The following FSTL5 variants were observed in gnomAD, a reference collection of about 807,000 sequenced individuals.
The protein encoded by FSTL5 is follistatin like 5.
Under a neutral mutation model 89.1 loss-of-function variants are expected in FSTL5, and 62 were observed. The observed-to-expected ratio is 0.70, with a 90% CI of 0.57 to 0.86. FSTL5 has a LOEUF of 0.86. Among genes scored for constraint, FSTL5 ranks in the 40% least tolerant of loss-of-function variants. FSTL5 has a pLI of 0.00. For synonymous variants in FSTL5, 383 were observed against 346.2 expected, an observed-to-expected ratio of 1.11 and a Z score of -1.18; for missense variants, 1,057 against 1,001.6, an observed-to-expected ratio of 1.06 and a Z score of -0.75.
rs989477918 is a variant in FSTL5, at chr4:161,669,127, A to T, written c.728-12633T>A. ...ACTCTGTCTCAAAAAAAAAAAAAAA[A>T]TAAAATAAAATAAAAGAAAAAGAAA... On this transcript the variant is annotated intron_variant, in intron 6 of 15. Coordinates refer to ENST00000306100, the MANE Select transcript of FSTL5 (RefSeq NM_020116.5). 3.5e-3 allele frequency among the ~76,000 whole-genome samples: 512 copies of T among 144,298 alleles called. 1 individual carries two copies. Among genetic ancestry groups the T allele is most frequent in the African/African-American group, 0.012 (487 of 39,920 alleles). 94.7% of individuals were successfully genotyped at this position (144,298 alleles called of 152,430 possible). A position where few individuals can be genotyped will look rare whatever the true frequency, so the allele number is the denominator to read the frequency against.
chr4:162,057,271 T>C (rs1444116589), intron 2 of FSTL5, among the ~76,000 whole-genome samples: 1 of 152,174 alleles, frequency 6.6e-6, no homozygotes, highest in African/African-American at 2.4e-5. Context: ...TCCTTTTTAA[T>C]CTAGGTTTCT....
chr4:161,502,891 T>C (rs77931629), intron 11 of FSTL5, among the ~76,000 whole-genome samples: 4,400 of 151,884 alleles, frequency 0.029, 140 homozygotes, highest in East Asian at 0.13. Flanking sequence ...CACATTTTCA[T>C]TGGGGACATT....
intron 3 of FSTL5, among the ~76,000 whole-genome samples, chr4:161,936,392 C>A (rs1387284326): frequency 6.6e-6 from 1 of 151,980 alleles, no homozygotes. Flanking sequence ...TCTTCTTAAA[C>A]CCTTTGAGAC....
At chr4:161,949,810 A>C (rs1734841877) in intron 3 of FSTL5, among the ~76,000 whole-genome samples, 1 of 151,954 alleles carries the variant, frequency 6.6e-6, no homozygotes, top group South Asian at 2.1e-4. Context: ...ATTTTTAAAA[A>C]ATAATTGGAA....
At chr4:161,663,091 G>T (rs1349148164) in intron 6 of FSTL5, among the ~76,000 whole-genome samples, 1 of 152,012 alleles carries the variant, frequency 6.6e-6, no homozygotes, top group South Asian at 2.1e-4. Context: ...CCTTCCCCTG[G>T]GTCCCTCCTA....
intron 4 of FSTL5, among the ~76,000 whole-genome samples, chr4:161,817,809 T>G (rs1032767258): frequency 1.3e-5 from 2 of 152,206 alleles, no homozygotes; most frequent in African/African-American, 4.8e-5. Flanking sequence ...TCTCAAACAA[T>G]TGGATATTAA....
At chr4:162,066,299 T>TTTCTTC (rs1222795843) in intron 2 of FSTL5, among the ~76,000 whole-genome samples, 1 of 70,156 alleles carries the variant, frequency 1.4e-5, no homozygotes, top group African/African-American at 5.3e-5. Flanking sequence ...TCCTCCTACT[T>TTTCTTC]TTCTTCTTCT....
rs144959944 is a variant in FSTL5 at position 161,973,578 on chromosome 4, A to T, written c.161-52926T>A. On this transcript the variant is annotated intron_variant, in intron 3 of 15. Coordinates refer to ENST00000306100, the MANE Select transcript of FSTL5 (RefSeq NM_020116.5). ...GATTATAAGAAAGATTAAATGAGTTAAAGCATGAAAAACAGTTTTATGCCT... is the reference window on the plus strand; with the variant it reads ...GATTATAAGAAAGATTAAATGAGTTTAAGCATGAAAAACAGTTTTATGCCT... 7.7e-3 allele frequency among the ~76,000 whole-genome samples: 1,170 copies of T among 152,330 alleles called. 24 individuals carry two copies. Among genetic ancestry groups the T allele is most frequent in the African/African-American group, 0.026 (1,101 of 41,580 alleles).
At chr4:161,724,141 A>C (rs537720197) in intron 6 of FSTL5, among the ~76,000 whole-genome samples, 2 of 152,262 alleles carry the variant, frequency 1.3e-5, no homozygotes, top group East Asian at 3.9e-4. Context: ...TGCAAAAATC[A>C]AATAAATAAT....
chr4:161,914,041 C>A (rs1428512898), intron 4 of FSTL5, among the ~76,000 whole-genome samples: 1 of 151,950 alleles, frequency 6.6e-6, no homozygotes, highest in African/African-American at 2.4e-5. Context: ...TTTGGAGGGA[C>A]CAGGGGTGGA....
chr4:162,038,430 T>A (rs893931478), intron 2 of FSTL5, among the ~76,000 whole-genome samples: 6 of 151,816 alleles, frequency 4.0e-5, no homozygotes, highest in Admixed American at 1.3e-4. Flanking sequence ...AACAATATGG[T>A]ATCTTAAATA....
intron 3 of FSTL5, among the ~76,000 whole-genome samples, chr4:161,988,272 C>T (rs1006003520): frequency 3.3e-5 from 5 of 151,934 alleles, no homozygotes; most frequent in Non-Finnish European, 5.9e-5. Flanking sequence ...ATGGGAAAAT[C>T]ACAGATAGGC....
At chr4:161,930,296 C>T (rs1324279525) in intron 3 of FSTL5, among the ~76,000 whole-genome samples, 1 of 151,768 alleles carries the variant, frequency 6.6e-6, no homozygotes, top group African/African-American at 2.4e-5. Context: ...TGGCATAAAT[C>T]TAAATAGAGT....
chr4:161,527,198 G>A (rs546192131), intron 10 of FSTL5, among the ~76,000 whole-genome samples: 1 of 152,218 alleles, frequency 6.6e-6, no homozygotes, highest in African/African-American at 2.4e-5. Flanking sequence ...TATTCTCTTT[G>A]AAGCAATTGT....
intron 6 of FSTL5, among the ~76,000 whole-genome samples, chr4:161,673,077 GAC>G (rs1444027849): frequency 6.6e-6 from 1 of 150,586 alleles, no homozygotes; most frequent in Non-Finnish European, 1.5e-5. Context: ...AAACAAAGAA[GAC>G]ATGTGAACAA....
At chr4:161,636,681 C>T (rs1179591987) in intron 7 of FSTL5, among the ~76,000 whole-genome samples, 1 of 144,968 alleles carries the variant, frequency 6.9e-6, no homozygotes, top group Non-Finnish European at 1.5e-5. Flanking sequence ...TCTCATTGTT[C>T]AATTCCCACC....
chr4:162,054,086 G>A (rs1212907558), intron 2 of FSTL5, among the ~76,000 whole-genome samples: 1 of 151,678 alleles, frequency 6.6e-6, no homozygotes, highest in South Asian at 2.1e-4. Context: ...ACACACATTT[G>A]AGCACAATAT....
intron 3 of FSTL5, 57 bp downstream of exon 3, chr4:162,033,568 T>C (rs1737617784): frequency 2.2e-6 from 2 of 910,816 alleles, no homozygotes; most frequent in Non-Finnish European, 1.7e-6. Flanking sequence ...ATCACATATC[T>C]TTTTTCTTTC....
intron 1 of FSTL5, among the ~76,000 whole-genome samples, chr4:162,160,851 C>A (rs1733668382): frequency 6.6e-6 from 1 of 151,368 alleles, no homozygotes; most frequent in African/African-American, 2.4e-5. Context: ...AGCAAGCAAG[C>A]AATATACAGC....
Sources: allele counts gnomAD v4.1 joint callset (sites outside exome capture counted in the v4.1 genomes callset), GRCh38; gene constraint gnomAD v4.1.1; transcripts MANE v1.5; gene names NCBI Gene and HGNC (gene_info 2026-07-23, HGNC 2026-07-21).